FOXN3: variants seen among roughly 807,000 people sequenced by gnomAD.
FOXN3 encodes forkhead box N3.
In FOXN3, 7 loss-of-function variants were observed where a neutral mutation model predicts 38.4. That is an observed-to-expected ratio of 0.18 (90% confidence interval 0.10 to 0.34). FOXN3 has a LOEUF of 0.34. Ranked by LOEUF, FOXN3 falls within the 10% of genes least tolerant of loss-of-function variation. The pLI is 1.00. For missense variants in FOXN3, 456 were observed against 613.4 expected (o/e 0.74, Z 2.71); for synonymous variants, 230 against 242.2 (o/e 0.95, Z 0.47).
At chr14:89,317,643 T>C (rs1279856547) in intron 3 of FOXN3, among the ~76,000 whole-genome samples, 1 of 152,136 alleles carries the variant, frequency 6.6e-6, no homozygotes, top group Non-Finnish European at 1.5e-5. Flanking sequence ...CTCTGTGGGA[T>C]CTGAAATGGT....
chr14:89,344,668 C>A (rs1369890772), intron 3 of FOXN3, among the ~76,000 whole-genome samples: 1 of 152,178 alleles, frequency 6.6e-6, no homozygotes, highest in Non-Finnish European at 1.5e-5. Context: ...AATACCCCCA[C>A]TATAAGTACC....
At chr14:89,532,865 G>T (rs192688421) in intron 1 of FOXN3, among the ~76,000 whole-genome samples, 1 of 152,288 alleles carries the variant, frequency 6.6e-6, no homozygotes. Context: ...GGTAACAAAG[G>T]TATAGCTATA....
chr14:89,406,315 G>T (rs1021666547), intron 2 of FOXN3, among the ~76,000 whole-genome samples: 3 of 152,088 alleles, frequency 2.0e-5, no homozygotes, highest in Non-Finnish European at 4.4e-5. Flanking sequence ...AGCTACTTGG[G>T]AGGCTGAGTC....
chr14:89,370,865 T>C (rs1212067156), intron 2 of FOXN3, among the ~76,000 whole-genome samples: 1 of 152,196 alleles, frequency 6.6e-6, no homozygotes, highest in Non-Finnish European at 1.5e-5. Context: ...TTTAAGTACA[T>C]AATGAAACTT....
intron 1 of FOXN3, among the ~76,000 whole-genome samples, chr14:89,446,648 CAACAACA>C (rs1892508385): frequency 6.6e-6 from 1 of 152,166 alleles, no homozygotes; most frequent in Non-Finnish European, 1.5e-5. Context: ...TTTGTTTCTA[CAACAACA>C]AAATTGTGAG....
chr14:89,555,312 A>G (rs933239169), intron 1 of FOXN3, among the ~76,000 whole-genome samples: 8 of 152,162 alleles, frequency 5.3e-5, no homozygotes, highest in African/African-American at 1.7e-4. Flanking sequence ...AATATGATCA[A>G]TTTGCTTCCC....
intron 4 of FOXN3, among the ~76,000 whole-genome samples, chr14:89,218,389 T>G (rs766514598): frequency 6.6e-6 from 1 of 152,268 alleles, no homozygotes; most frequent in African/African-American, 2.4e-5. Context: ...CACCCAATCC[T>G]ATTCCCTTGC....
chr14:89,161,649 T>A lies in FOXN3; in HGVS notation c.*765A>T, dbSNP rs1887109505. 1 of 152,026 alleles carries A rather than the reference T, an allele frequency of 6.6e-6. No homozygotes were observed. The highest frequency in any genetic ancestry group is 6.6e-5 in the Admixed American group (1 of 15,184). 9.4% of individuals were successfully genotyped at this position (152,026 alleles called of 1,614,324 possible). ...GCTTATGGCTTTTGGAACATTTTCT[T>A]AATTTAATAGAGAACAGAATTCAAT... is the stretch of plus-strand genomic sequence containing the variant. On this transcript the variant is annotated 3_prime_UTR_variant, in exon 6 of 6. Transcript: ENST00000557258.
intron 2 of FOXN3, among the ~76,000 whole-genome samples, chr14:89,360,753 ACCACCT>A (rs1889486266): frequency 1.8e-5 from 2 of 112,246 alleles, no homozygotes; most frequent in Admixed American, 8.4e-5. Flanking sequence ...CACCTCCACC[ACCACCT>A]CCACCACTAC....
At position 89,161,075 on chromosome 14, in the gene FOXN3, C is replaced by T. The variant is rs1214333331; in HGVS notation, c.*1339G>A. On this transcript the variant is annotated 3_prime_UTR_variant, in exon 6 of 6. Coordinates refer to ENST00000557258, the MANE Select transcript of FOXN3 (RefSeq NM_005197.4). ...TGCTTCATGCTAAATACATTATTTACCTTACAAGAACTTTGTTACTTTTGA... is the reference window on the plus strand; with the variant it reads ...TGCTTCATGCTAAATACATTATTTATCTTACAAGAACTTTGTTACTTTTGA... The T allele has an allele frequency of 6.6e-6, 1 of 152,254 alleles. No homozygotes were observed. The highest frequency in any genetic ancestry group is 1.5e-5 in the Non-Finnish European group (1 of 67,990). 9.4% of individuals were successfully genotyped at this position (152,254 alleles called of 1,614,324 possible).
At chr14:89,337,441 G>A (rs1186431416) in intron 3 of FOXN3, among the ~76,000 whole-genome samples, 1 of 152,132 alleles carries the variant, frequency 6.6e-6, no homozygotes, top group Non-Finnish European at 1.5e-5. Context: ...TGTTTGGGCT[G>A]GCCTGGGGTG....
intron 3 of FOXN3, among the ~76,000 whole-genome samples, chr14:89,306,444 T>A (rs1887379050): frequency 6.6e-6 from 1 of 152,024 alleles, no homozygotes; most frequent in Admixed American, 6.6e-5. Flanking sequence ...CTCGGTTCAC[T>A]GCAAGCTCCG....
intron 4 of FOXN3, among the ~76,000 whole-genome samples, chr14:89,212,184 T>C (rs2139832490): frequency 6.6e-6 from 1 of 152,328 alleles, no homozygotes; most frequent in South Asian, 2.1e-4. Context: ...CCACCTAGTC[T>C]GTGGTATTTT....
chr14:89,292,774 C>G (rs1401077110), intron 3 of FOXN3, among the ~76,000 whole-genome samples: 1 of 152,186 alleles, frequency 6.6e-6, no homozygotes, highest in Non-Finnish European at 1.5e-5. Context: ...CAGTTTGTGA[C>G]AGCAGCACAA....
In FOXN3 at chr14:89,412,318, C is replaced by T; in HGVS notation, c.159G>A (p.Gly53=). ...TGGTCAGCTCTTCATCTTCCATGGC[C>T]CCCTCTTCTAATCGGATGTCAGGCA... ...FSLPDIRLEE[G]AMEDEELTNL... The change falls in exon 2 of 6, where the codon GGG becomes GGA. Residue 53 remains glycine, a synonymous_variant. Coordinates refer to ENST00000557258, the MANE Select transcript of FOXN3 (RefSeq NM_005197.4). The surrounding 1 kb of genome is among the most constrained non-coding windows in gnomAD (Gnocchi z 4.7). 1.9e-6 allele frequency: 3 copies of T among 1,614,112 alleles called. No homozygotes were observed. The highest frequency in any genetic ancestry group is 2.5e-6 in the Non-Finnish European group (3 of 1,180,028).
intron 3 of FOXN3, among the ~76,000 whole-genome samples, chr14:89,295,235 G>A (rs1886998871): frequency 6.6e-6 from 1 of 152,054 alleles, no homozygotes; most frequent in South Asian, 2.1e-4. Flanking sequence ...TGTTCAACTC[G>A]AATCCCAGGT....
At chr14:89,432,610 A>G (rs1002681827) in intron 1 of FOXN3, among the ~76,000 whole-genome samples, 5 of 152,124 alleles carry the variant, frequency 3.3e-5, no homozygotes, top group Non-Finnish European at 5.9e-5. Flanking sequence ...ATGCAAACTT[A>G]AAGATCCCCA....
chr14:89,487,800 G>A (rs1238670807), intron 1 of FOXN3, among the ~76,000 whole-genome samples: 1 of 152,162 alleles, frequency 6.6e-6, no homozygotes, highest in East Asian at 1.9e-4. Context: ...AACGGCTGGA[G>A]AGTGTCAAGA....
intron 1 of FOXN3, among the ~76,000 whole-genome samples, chr14:89,544,767 C>A (rs1894854052): frequency 1.3e-5 from 2 of 152,124 alleles, no homozygotes; most frequent in Non-Finnish European, 2.9e-5. Context: ...GGGTGACTTA[C>A]AGATGGGTAG....
Sources: allele counts gnomAD v4.1 joint callset (sites outside exome capture counted in the v4.1 genomes callset), GRCh38; gene constraint gnomAD v4.1.1; non-coding constraint Gnocchi (gnomAD v3.1); transcripts MANE v1.5; gene names NCBI Gene and HGNC (gene_info 2026-07-23, HGNC 2026-07-21).